ENTREP2: variants seen among roughly 807,000 people sequenced by gnomAD.
ENTREP2 encodes the protein protein ENTREP2.
At chr15:29,384,258 G>A in the ENTREP2 span, among the ~76,000 whole-genome samples, 12 of 152,102 alleles carry the variant, frequency 7.9e-5, no homozygotes, top group East Asian at 2.3e-3. Flanking sequence ...TCTTCTTTTT[G>A]TGAATTCAAA....
the ENTREP2 span, among the ~76,000 whole-genome samples, chr15:29,634,544 TAAAC>T: frequency 3.3e-5 from 5 of 152,170 alleles, no homozygotes; most frequent in Admixed American, 1.3e-4. Flanking sequence ...TCCCCAAAAA[TAAAC>T]AAGCAATCGG....
the ENTREP2 span, among the ~76,000 whole-genome samples, chr15:29,262,680 G>A: frequency 0.024 from 3,599 of 152,246 alleles, 160 homozygotes; most frequent in African/African-American, 0.082. Context: ...ACCAGTAAAC[G>A]TAAGTGTTTC....
At chr15:29,488,647 A>G in the ENTREP2 span, among the ~76,000 whole-genome samples, 344 of 152,364 alleles carry the variant, frequency 2.3e-3, 7 homozygotes, top group Admixed American at 0.021. Flanking sequence ...AGCCAAGGGC[A>G]AAGAGAAAAA....
At chr15:29,148,084 G>A in the ENTREP2 span, among the ~76,000 whole-genome samples, 3 of 152,112 alleles carry the variant, frequency 2.0e-5, no homozygotes, top group African/African-American at 7.2e-5. Context: ...GGAACATGCA[G>A]AACAGGCAAA....
the ENTREP2 span, among the ~76,000 whole-genome samples, chr15:29,347,202 T>C: frequency 3.3e-5 from 5 of 152,162 alleles, no homozygotes; most frequent in Non-Finnish European, 7.4e-5. Flanking sequence ...TGAGACAAGA[T>C]CTTGCTTTGT....
At chr15:29,649,057 TAC>T in the ENTREP2 span, among the ~76,000 whole-genome samples, 10,970 of 144,248 alleles carry the variant, frequency 0.076, 400 homozygotes, top group Non-Finnish European at 0.086. Context: ...GGGACACATG[TAC>T]ACACACACAC....
At chr15:29,490,414 G>A in the ENTREP2 span, among the ~76,000 whole-genome samples, 9 of 152,194 alleles carry the variant, frequency 5.9e-5, no homozygotes, top group South Asian at 4.1e-4. Flanking sequence ...AACAGTTTGC[G>A]GCTGCTGGCT....
the ENTREP2 span, among the ~76,000 whole-genome samples, chr15:29,398,807 C>CTCAA: frequency 6.6e-6 from 1 of 152,062 alleles, no homozygotes; most frequent in South Asian, 2.1e-4. Context: ...AAGGTCCCCA[C>CTCAA]TCCCTGGTGT....
chr15:29,663,133 A>G, the ENTREP2 span, among the ~76,000 whole-genome samples: 10 of 152,174 alleles, frequency 6.6e-5, no homozygotes, highest in African/African-American at 2.2e-4. Context: ...TCCATGCAGC[A>G]CACACACACA....
the ENTREP2 span, among the ~76,000 whole-genome samples, chr15:29,674,651 T>A: frequency 6.7e-6 from 1 of 149,090 alleles, no homozygotes; most frequent in Admixed American, 6.7e-5. Context: ...TATCGAGGGA[T>A]GGAAGGGAGA....
the ENTREP2 span, chr15:29,128,923 C>G: frequency 8.2e-7 from 1 of 1,216,724 alleles, no homozygotes; most frequent in Non-Finnish European, 1.2e-6. Context: ...AGCACAGCAG[C>G]CTCCAGTAGT....
the ENTREP2 span, among the ~76,000 whole-genome samples, chr15:29,302,926 C>CG: frequency 5.9e-5 from 9 of 152,094 alleles, no homozygotes; most frequent in Non-Finnish European, 1.0e-4. Context: ...GCTGCACAGC[C>CG]GCCTGCTGAG....
At chr15:29,312,798 A>G in the ENTREP2 span, among the ~76,000 whole-genome samples, 72,559 of 151,930 alleles carry the variant, frequency 0.48, 19,013 homozygotes, top group African/African-American at 0.72. Flanking sequence ...TGGTCTCTAA[A>G]TGTTCAAGTG....
the ENTREP2 span, among the ~76,000 whole-genome samples, chr15:29,325,733 C>T: frequency 2.6e-5 from 4 of 152,152 alleles, no homozygotes; most frequent in Non-Finnish European, 5.9e-5. Context: ...AGAGGGAACG[C>T]TTCCTAATTT....
At chr15:29,526,315 C>T in the ENTREP2 span, among the ~76,000 whole-genome samples, 14 of 152,248 alleles carry the variant, frequency 9.2e-5, no homozygotes, top group Admixed American at 3.9e-4. Flanking sequence ...CCAAGGCTCC[C>T]CTCACGCTTC....
the ENTREP2 span, among the ~76,000 whole-genome samples, chr15:29,204,537 G>A: frequency 1.3e-5 from 2 of 152,042 alleles, no homozygotes; most frequent in South Asian, 2.1e-4. Flanking sequence ...GGAAGGAGGC[G>A]CAGCACGGGT....
At chr15:29,181,219 G>A in the ENTREP2 span, among the ~76,000 whole-genome samples, 40 of 152,270 alleles carry the variant, frequency 2.6e-4, no homozygotes, top group Admixed American at 2.3e-3. Flanking sequence ...TCAAGAAGAA[G>A]GAGGAAATCC....
chr15:29,562,416 C>G, the ENTREP2 span, among the ~76,000 whole-genome samples: 2 of 152,144 alleles, frequency 1.3e-5, no homozygotes, highest in African/African-American at 4.8e-5. Flanking sequence ...ATGTCCACAG[C>G]TTTCTCCCAA....
At chr15:29,444,210 G>A in the ENTREP2 span, among the ~76,000 whole-genome samples, 1 of 145,910 alleles carries the variant, frequency 6.9e-6, no homozygotes, top group African/African-American at 2.7e-5. Flanking sequence ...AAGAAAGAAA[G>A]AAAGAAAGAA....
Sources: gnomAD v4.1 joint callset for allele counts (sites outside exome capture counted in the v4.1 genomes callset) on GRCh38, gnomAD v4.1.1 for gene constraint, MANE v1.5 for transcripts, NCBI Gene and HGNC (gene_info 2026-07-23, HGNC 2026-07-21) for gene names.